Variants in SFT2D1 observed in about 807,000 individuals in gnomAD.
SFT2D1 encodes the protein vesicle transport protein SFT2A.
A neutral mutation model predicts 28.1 loss-of-function variants in SFT2D1; 24 were observed. The observed-to-expected ratio is 0.85, with a 90% confidence interval of 0.62 to 1.20. The LOEUF (loss-of-function observed/expected upper bound fraction) is 1.20. Among genes scored for constraint, SFT2D1 ranks in the 50% most tolerant of loss-of-function variants. The pLI is 0.00. For missense variants in SFT2D1, 181 were observed against 190.9 expected (o/e 0.95, Z 0.31); for synonymous variants, 82 against 73.7 (o/e 1.11, Z -0.58).
intron 1 of SFT2D1, among the ~76,000 whole-genome samples, chr6:166,331,986 A>T (rs1270255325): frequency 2.0e-5 from 3 of 152,218 alleles, no homozygotes; most frequent in Non-Finnish European, 4.4e-5. Flanking sequence ...AGGAAACAGC[A>T]CGGCTATTTG....
chr6:166,323,875 TCACATTTGTAATC>T (rs1322344035), intron 6 of SFT2D1: 1 of 152,102 alleles, frequency 6.6e-6, no homozygotes, highest in East Asian at 1.9e-4. Flanking sequence ...GCATGGTGCC[TCACATTTGTAATC>T]CCAGCTACTT....
chr6:166,341,787 T>A (rs11755305), intron 1 of SFT2D1, among the ~76,000 whole-genome samples: 39,255 of 151,196 alleles, frequency 0.26, 5,277 homozygotes, highest in East Asian at 0.34. Flanking sequence ...GTAACCCTTA[T>A]CAAGTCTCGC....
chr6:166,321,768 G>A (rs747316122), intron 7 of SFT2D1, among the ~76,000 whole-genome samples: 33 of 152,184 alleles, frequency 2.2e-4, no homozygotes, highest in Non-Finnish European at 4.1e-4. Context: ...TCTCCTCCAC[G>A]GCTAAATACA....
intron 1 of SFT2D1, among the ~76,000 whole-genome samples, chr6:166,340,687 T>G (rs1454085752): frequency 6.6e-6 from 1 of 151,438 alleles, no homozygotes; most frequent in East Asian, 2.0e-4. Context: ...CTGCTCTGAC[T>G]TTTTCTGTGG....
At chr6:166,337,398 C>T (rs2114912547) in intron 1 of SFT2D1, among the ~76,000 whole-genome samples, 1 of 152,330 alleles carries the variant, frequency 6.6e-6, no homozygotes, top group East Asian at 1.9e-4. Context: ...TCCTTTCCAA[C>T]TCAACAGCAC....
intron 7 of SFT2D1, among the ~76,000 whole-genome samples, chr6:166,322,050 T>C (rs991898937): frequency 6.6e-6 from 1 of 152,088 alleles, no homozygotes; most frequent in Non-Finnish European, 1.5e-5. Flanking sequence ...ACCCAGCTAA[T>C]TTTGTATTTT....
At chr6:166,328,890 T>A (rs1016081072) in intron 3 of SFT2D1, among the ~76,000 whole-genome samples, 2 of 152,148 alleles carry the variant, frequency 1.3e-5, no homozygotes, top group African/African-American at 4.8e-5. Context: ...CAAAGAGGGA[T>A]TCTCATACTC....
intron 5 of SFT2D1, among the ~76,000 whole-genome samples, chr6:166,324,890 G>A (rs1294840398): frequency 1.3e-5 from 2 of 152,086 alleles, no homozygotes; most frequent in Non-Finnish European, 2.9e-5. Context: ...AAGGTGGTTA[G>A]GTCTTTAAAG....
chr6:166,334,935 G>T, intron 1 of SFT2D1: 1 of 444,934 alleles, frequency 2.2e-6, no homozygotes, highest in Non-Finnish European at 4.3e-6. Flanking sequence ...GAAGAACATC[G>T]CCTAAGAGAT....
At chr6:166,320,357 G>T in intron 7 of SFT2D1, 101 bp from the exon 8 acceptor site, 1 of 848,938 alleles carries the variant, frequency 1.2e-6, no homozygotes. Context: ...AGAACTCAAT[G>T]GATGCTCCAA....
At chr6:166,329,743 ATAGT>A (rs1323601112) in intron 2 of SFT2D1, among the ~76,000 whole-genome samples, 154 bp from the exon 3 acceptor site, 2 of 152,236 alleles carry the variant, frequency 1.3e-5, no homozygotes, top group Non-Finnish European at 2.9e-5. Flanking sequence ...CACAGAAAAA[ATAGT>A]TAATTTTCAA....
At chr6:166,338,193 C>T in intron 1 of SFT2D1, among the ~76,000 whole-genome samples, 1 of 152,152 alleles carries the variant, frequency 6.6e-6, no homozygotes, top group East Asian at 1.9e-4. Context: ...AGGACTCCCA[C>T]AAGAGAACTC....
rs1778510864 is a variant in SFT2D1, at chr6:166,329,523, G to T, written c.217C>A (p.Leu73Ile). ...LFAVFYTLGN[L>I]AALASTCFLM... ...CAAACGTACCTGGCTAACGCAGCAA[G>T]ATTGCCGAGGGTATAAAACACTGCA... The change falls in exon 3 of 8, where the codon CTT becomes ATT. Residue 73 changes from leucine (L) to isoleucine (I), a missense_variant. Leu to Ile is a conservative substitution (Grantham distance 5). Transcript: ENST00000361731. 2 of 1,609,238 alleles carry T rather than the reference G, an allele frequency of 1.2e-6. No homozygotes were observed. Among genetic ancestry groups the T allele is most frequent in the Non-Finnish European group, 1.7e-6 (2 of 1,176,628 alleles).
chr6:166,328,344 T>A lies in SFT2D1; in HGVS notation c.247A>T (p.Met83Leu). 2 of 1,583,746 alleles carry A rather than the reference T, an allele frequency of 1.3e-6. No homozygotes were observed. Among genetic ancestry groups the A allele is most frequent in the Non-Finnish European group, 1.7e-6 (2 of 1,164,360 alleles). Residue 83 changes from methionine (M) to leucine (L), a missense_variant, in exon 4 of 8, where the codon ATG becomes TTG. By Grantham distance (15) the Met-to-Leu change is conservative (BLOSUM62 2). Coordinates refer to ENST00000361731, the MANE Select transcript of SFT2D1 (RefSeq NM_145169.3). ...TTCTTCAGTTGCTTCACAGGTCCCA[T>A]TAAAAAGCATGTACTATTTGAAACA... ...LAALASTCFL[M>L]GPVKQLKKMF...
chr6:166,338,890 C>T (rs1487146589), intron 1 of SFT2D1, among the ~76,000 whole-genome samples: 4 of 152,098 alleles, frequency 2.6e-5, no homozygotes, highest in Non-Finnish European at 4.4e-5. Context: ...CGTGCCTCTC[C>T]CCGGGGCTCA....
At chr6:166,337,761 T>C (rs1158714148) in intron 1 of SFT2D1, among the ~76,000 whole-genome samples, 1 of 152,216 alleles carries the variant, frequency 6.6e-6, no homozygotes, top group Non-Finnish European at 1.5e-5. Context: ...ATTAATGCCA[T>C]TTGTAAATAT....
chr6:166,326,315 T>C, intron 4 of SFT2D1, 148 bp from the exon 5 acceptor site: 1 of 703,668 alleles, frequency 1.4e-6, no homozygotes, highest in Non-Finnish European at 2.3e-6. Flanking sequence ...TTGTATTTTC[T>C]GTAAGTATTA....
At chr6:166,335,907 G>A (rs1456501329) in intron 1 of SFT2D1, among the ~76,000 whole-genome samples, 5 of 152,208 alleles carry the variant, frequency 3.3e-5, no homozygotes, top group African/African-American at 1.2e-4. Context: ...CAATACTCAC[G>A]TGTATGAGCA....
chr6:166,325,809 A>C, intron 5 of SFT2D1: 1 of 342,010 alleles, frequency 2.9e-6, no homozygotes, highest in Non-Finnish European at 5.3e-6. Context: ...CCAGCTGGGT[A>C]GGTGAGCATG....
Sources: allele counts gnomAD v4.1 joint callset (sites outside exome capture counted in the v4.1 genomes callset), GRCh38; gene constraint gnomAD v4.1.1; transcripts MANE v1.5; gene names NCBI Gene and HGNC (gene_info 2026-07-23, HGNC 2026-07-21).